Variants in MCM5 observed in about 807,000 individuals in gnomAD.
MCM5 encodes minichromosome maintenance complex component 5.
In MCM5, 46 loss-of-function variants were observed where a neutral mutation model predicts 79.9. The observed-to-expected ratio is 0.58, with a 90% confidence interval of 0.45 to 0.74. The LOEUF is 0.74. MCM5 is among the 30% of genes least tolerant of loss of function. The pLI is 0.00. For synonymous variants in MCM5, 404 were observed against 390.5 expected (o/e 1.03, Z -0.41); for missense variants, 883 against 1,017.0 (o/e 0.87, Z 1.79).
At position 35,406,722 on chromosome 22, in the gene MCM5, A is replaced by C. The variant is rs776717249; in HGVS notation, c.593A>C (p.Asn198Thr). 2.5e-6 allele frequency: 4 copies of C among 1,606,724 alleles called. No homozygotes were observed. In the African/African-American group the frequency reaches 5.3e-5, roughly 21 times the overall value. Residue 198 changes from asparagine (N) to threonine (T), a missense_variant, in exon 5 of 17, where the codon AAC (asparagine) becomes ACC (threonine). Asn to Thr is a moderately conservative substitution (Grantham distance 65). Coordinates refer to ENST00000216122, the MANE Select transcript of MCM5 (RefSeq NM_006739.4). ...GGCTATGCCCTGCCCAGGAAGTGCAACACGTGAGTCTGTGGCCCAGAGGGA... is the reference window on the plus strand; with the variant it reads ...GGCTATGCCCTGCCCAGGAAGTGCACCACGTGAGTCTGTGGCCCAGAGGGA... Reference protein sequence around the residue: ...LEGYALPRKCNTDQAGRPKCP... With the variant: ...LEGYALPRKCTTDQAGRPKCP...
intron 12 of MCM5, 81 bp from the exon 13 acceptor site, chr22:35,417,663 T>A: frequency 1.0e-6 from 1 of 992,964 alleles, no homozygotes; most frequent in Non-Finnish European, 1.6e-6. Flanking sequence ...CCATCAGCTC[T>A]TTCTGGCTGT....
chr22:35,423,964 T>C lies in MCM5; in HGVS notation c.2104-190T>C, dbSNP rs540027651. ...AGTCCCAGCTCTACCTCTTAATTGC[T>C]GTGACCTTGAGCAAGTGGCTTAGCC... On this transcript the variant is annotated intron_variant, in intron 16 of 16. Transcript: ENST00000216122. The C allele has an allele frequency of 2.7e-5, 15 of 548,154 alleles. No homozygotes were observed. In the South Asian group the frequency reaches 3.3e-4, roughly 12 times the overall value. 34.0% of individuals were successfully genotyped at this position (548,154 alleles called of 1,614,324 possible). A position where few individuals can be genotyped will look rare whatever the true frequency, so the allele number is the denominator to read the frequency against.
chr22:35,435,665 A>G, the MCM5 span, among the ~76,000 whole-genome samples: 1 of 152,108 alleles, frequency 6.6e-6, no homozygotes, highest in African/African-American at 2.4e-5. Flanking sequence ...TCTGAGTGGG[A>G]CACAACCCTG....
chr22:35,421,213 C>T, intron 14 of MCM5, 105 bp from the exon 15 acceptor site: 2 of 1,227,006 alleles, frequency 1.6e-6, no homozygotes, highest in African/African-American at 1.5e-5. Flanking sequence ...GCAGTCTCCA[C>T]CACAGTCTTA....
chr22:35,424,194 T>C lies in MCM5; in HGVS notation c.2144T>C (p.Met715Thr). The change falls in exon 17 of 17, where the codon ATG (methionine) becomes ACG (threonine). Residue 715 changes from methionine (M) to threonine (T), a missense_variant. This residue lies in a region of MCM5 where 426 missense variants were observed against 482.3 expected (regional missense o/e 0.88). Coordinates refer to ENST00000216122, the MANE Select transcript of MCM5 (RefSeq NM_006739.4). ...GCCATCCACAAGGTGCTGCAGCTCATGCTGCGGCGCGGCGAGATCCAGCAT... is the reference window on the plus strand; with the variant it reads ...GCCATCCACAAGGTGCTGCAGCTCACGCTGCGGCGCGGCGAGATCCAGCAT... Reference protein sequence around the residue: ...EHAIHKVLQLMLRRGEIQHRM... With the variant: ...EHAIHKVLQLTLRRGEIQHRM... 6.4e-7 allele frequency: 1 copy of C among 1,553,354 alleles called. No homozygotes were observed. Among genetic ancestry groups the C allele is most frequent in the Non-Finnish European group, 8.7e-7 (1 of 1,147,958 alleles).
chr22:35,448,018 G>A, the MCM5 span, among the ~76,000 whole-genome samples: 6 of 152,158 alleles, frequency 3.9e-5, no homozygotes, highest in Non-Finnish European at 8.8e-5. Context: ...AAACAACAAC[G>A]CCCTTTCCCT....
rs148030821 is a variant in MCM5, at chr22:35,423,756, C to T, written c.2104-398C>T. On this transcript the variant is annotated intron_variant, in intron 16 of 16. Coordinates refer to ENST00000216122, the MANE Select transcript of MCM5 (RefSeq NM_006739.4). ...GAGAAGATGGGATTTCCCAGATGCT[C>T]TGGAAAACCTGTCACCTTTAAAATC... is the stretch of plus-strand genomic sequence containing the variant. 48 of 211,464 alleles carry T rather than the reference C, an allele frequency of 2.3e-4. 1 individual carries two copies. The East Asian group carries it at 4.8e-3, about 21-fold the overall frequency. 13.1% of individuals were successfully genotyped at this position (211,464 alleles called of 1,614,324 possible).
At chr22:35,442,586 G>A in the MCM5 span, among the ~76,000 whole-genome samples, 3 of 152,062 alleles carry the variant, frequency 2.0e-5, no homozygotes, top group African/African-American at 4.8e-5. Context: ...TTAGCTCGGG[G>A]CCTCTAAGCC....
chr22:35,406,364 C>G (rs1274210741), intron 4 of MCM5, among the ~76,000 whole-genome samples, 189 bp from the exon 5 acceptor site: 1 of 149,888 alleles, frequency 6.7e-6, no homozygotes, highest in Non-Finnish European at 1.5e-5. Context: ...CTCTGAACCC[C>G]AGGGTCCAGA....
intron 13 of MCM5, among the ~76,000 whole-genome samples, chr22:35,419,439 G>A (rs1052620761): frequency 2.0e-5 from 3 of 152,218 alleles, no homozygotes; most frequent in Non-Finnish European, 4.4e-5. Flanking sequence ...AGCCTCCTGT[G>A]GGTGTCATCA....
chr22:35,454,359 C>G, the MCM5 span, among the ~76,000 whole-genome samples: 2 of 152,176 alleles, frequency 1.3e-5, no homozygotes, highest in Non-Finnish European at 2.9e-5. Context: ...ACACATGCCA[C>G]TGAAGAAAAG....
intron 4 of MCM5, among the ~76,000 whole-genome samples, chr22:35,404,274 C>A (rs183459567): frequency 6.6e-6 from 1 of 152,186 alleles, no homozygotes; most frequent in African/African-American, 2.4e-5. Flanking sequence ...ATGACTCTTA[C>A]AGCTCGTGTG....
intron 6 of MCM5, among the ~76,000 whole-genome samples, chr22:35,409,012 G>A (rs1932299383): frequency 6.6e-6 from 1 of 151,376 alleles, no homozygotes; most frequent in Non-Finnish European, 1.5e-5. Context: ...GCCCAGGCTG[G>A]AGTGCAGTGG....
chr22:35,444,149 A>C, the MCM5 span, among the ~76,000 whole-genome samples: 2 of 143,982 alleles, frequency 1.4e-5, no homozygotes, highest in South Asian at 4.4e-4. Context: ...GACTGAATTT[A>C]TTAGAACTGA....
intron 12 of MCM5, 131 bp downstream of exon 12, chr22:35,416,945 G>A (rs1932562183): frequency 3.0e-6 from 3 of 1,010,144 alleles, no homozygotes; most frequent in African/African-American, 1.6e-5. Context: ...AAATTGGGGA[G>A]CACGTGAGAG....
At chr22:35,419,749 C>A in intron 13 of MCM5, 135 bp from the exon 14 acceptor site, 1 of 824,718 alleles carries the variant, frequency 1.2e-6, no homozygotes, top group Non-Finnish European at 1.8e-6. Flanking sequence ...TTGTTGTCCC[C>A]CAGCCCATAT....
At position 35,400,432 on chromosome 22, in the gene MCM5, C is replaced by T; in HGVS notation, c.-7C>T. The stretch of plus-strand genomic sequence containing the variant: ...TCTGGCCGTTTGTTCCCACCCCAGG[C>T]GCAGTCATGTCGGGATTCGACGATC... On this transcript the variant is annotated splice_region_variant and 5_prime_UTR_variant, in exon 2 of 17. Transcript: ENST00000216122. 1 of 1,614,034 alleles carries T rather than the reference C, an allele frequency of 6.2e-7. No homozygotes were observed. The highest frequency in any genetic ancestry group is 1.1e-5 in the South Asian group (1 of 91,074).
chr22:35,407,129 A>G (rs763484323), intron 5 of MCM5, among the ~76,000 whole-genome samples: 1 of 152,188 alleles, frequency 6.6e-6, no homozygotes, highest in Non-Finnish European at 1.5e-5. Context: ...TCGCACTACA[A>G]AGGCAGGGTA....
intron 13 of MCM5, among the ~76,000 whole-genome samples, chr22:35,419,411 G>A (rs976027700): frequency 5.9e-5 from 9 of 152,126 alleles, no homozygotes; most frequent in African/African-American, 2.2e-4. Context: ...CCCAGCCCCT[G>A]GACTGCAGTC....
Sources: gnomAD v4.1 joint callset for allele counts (sites outside exome capture counted in the v4.1 genomes callset) on GRCh38, gnomAD v4.1.1 for gene constraint, gnomAD v4.1.1 regional missense constraint, MANE v1.5 for transcripts, NCBI Gene and HGNC (gene_info 2026-07-23, HGNC 2026-07-21) for gene names.